TENM3: variants seen among roughly 807,000 people sequenced by gnomAD.
The protein encoded by TENM3 is teneurin transmembrane protein 3, also known as teneurin-3.
Under a neutral mutation model 255.1 loss-of-function variants are expected in TENM3, and 63 were observed. That is an observed-to-expected ratio of 0.25 (90% CI 0.20 to 0.30). The LOEUF is 0.30. TENM3 is among the 10% of genes least tolerant of loss of function. The pLI is 1.00. For synonymous variants in TENM3, 1,306 were observed against 1,322.3 expected (o/e 0.99, Z 0.27); for missense variants, 2,929 against 3,461.1 (o/e 0.85, Z 3.86).
At chr4:182,392,269 C>A (rs1768481619) in intron 3 of TENM3, among the ~76,000 whole-genome samples, 1 of 152,170 alleles carries the variant, frequency 6.6e-6, no homozygotes, top group African/African-American at 2.4e-5. Context: ...GGTATTAACA[C>A]GTCTGGTATC....
chr4:182,202,471 A>G (rs1322078806), intron 1 of TENM3, among the ~76,000 whole-genome samples: 1 of 151,840 alleles, frequency 6.6e-6, no homozygotes, highest in Admixed American at 6.6e-5. Context: ...ACACCCAGCT[A>G]CTTTTATATT....
chr4:181,661,059 T>A, the TENM3 span, among the ~76,000 whole-genome samples: 1 of 152,272 alleles, frequency 6.6e-6, no homozygotes, highest in East Asian at 1.9e-4. Flanking sequence ...AACGTAAGTA[T>A]GTAAATGGAA....
intron 1 of TENM3, among the ~76,000 whole-genome samples, chr4:182,282,647 C>T (rs575568439): frequency 6.6e-6 from 1 of 152,184 alleles, no homozygotes; most frequent in Admixed American, 6.5e-5. Flanking sequence ...AATCCCAGCA[C>T]TTTGGGAGGC....
chr4:182,284,641 A>G (rs888018178), intron 1 of TENM3, among the ~76,000 whole-genome samples: 7 of 152,302 alleles, frequency 4.6e-5, no homozygotes, highest in South Asian at 4.1e-4. Context: ...GAAGCGTGTC[A>G]GACACTAGGT....
At chr4:181,923,779 A>T in the TENM3 span, among the ~76,000 whole-genome samples, 2 of 152,178 alleles carry the variant, frequency 1.3e-5, no homozygotes, top group Non-Finnish European at 2.9e-5. Context: ...GTAGATCAAA[A>T]GATACCGCTT....
rs147951345 is a variant in TENM3, at chr4:182,698,555, C to T, written c.2221+10204C>T. On this transcript the variant is annotated intron_variant, in intron 12 of 27. Transcript: ENST00000511685. ...TAACCGTCAGGAAAAGTCACAGTCC[C>T]GAGGGCCATGTGGATACACGTTCTC... Among the ~76,000 whole-genome samples, 52 of 152,296 alleles carry T rather than the reference C, an allele frequency of 3.4e-4. No individual in the cohort carries two copies. The East Asian group carries it at 8.7e-3, about 25-fold the overall frequency.
intron 3 of TENM3, among the ~76,000 whole-genome samples, chr4:182,482,650 A>G (rs571276078): frequency 6.6e-6 from 1 of 152,350 alleles, no homozygotes; most frequent in South Asian, 2.1e-4. Context: ...GAAAATGTCT[A>G]CACATAGGCA....
chr4:182,038,676 A>T, the TENM3 span, among the ~76,000 whole-genome samples: 2 of 152,344 alleles, frequency 1.3e-5, no homozygotes, highest in East Asian at 3.9e-4. Context: ...TTCAAGACCA[A>T]TGCAGAGCTA....
At chr4:182,122,466 T>A in the TENM3 span, among the ~76,000 whole-genome samples, 21 of 152,332 alleles carry the variant, frequency 1.4e-4, no homozygotes, top group South Asian at 3.9e-3. Flanking sequence ...GGATGTGGTA[T>A]TAGCAGGTGT....
the TENM3 span, among the ~76,000 whole-genome samples, chr4:181,669,856 A>C: frequency 7.4e-4 from 112 of 152,252 alleles, no homozygotes; most frequent in Non-Finnish European, 5.9e-5. Flanking sequence ...TCTAGGGAGA[A>C]CTTCGGTGTG....
chr4:182,586,045 C>G (rs1259846162), intron 3 of TENM3, among the ~76,000 whole-genome samples: 1 of 152,184 alleles, frequency 6.6e-6, no homozygotes, highest in Non-Finnish European at 1.5e-5. Context: ...CTTGAGACCA[C>G]AAATGTGGGA....
At chr4:182,242,306 GTGTT>G (rs1229787661), upstream of TENM3, among the ~76,000 whole-genome samples, 16 of 152,050 alleles carry the variant, frequency 1.1e-4, no homozygotes, top group African/African-American at 3.4e-4. Context: ...AGAACATGCG[GTGTT>G]TGTTTTTTTT....
At chr4:181,485,194 G>A in the TENM3 span, among the ~76,000 whole-genome samples, 17 of 152,124 alleles carry the variant, frequency 1.1e-4, no homozygotes, top group African/African-American at 2.4e-4. Flanking sequence ...CAAAATAAAC[G>A]TAAATCAAAA....
chr4:182,755,202 G>A lies in TENM3; in HGVS notation c.4835G>A (p.Gly1612Asp), dbSNP rs1051141064. The part of the protein sequence containing the change: ...GLELVLFTYH[G>D]NSGLLATKSD... The stretch of plus-strand genomic sequence containing the variant: ...GAATTAGTTTTGTTTACTTACCATG[G>A]CAATAGTGGCCTTTTAGCCACTAAA... Residue 1612 changes from glycine to aspartate, a missense_variant, in exon 22 of 28, where the codon GGC becomes GAC. This residue lies in a region of TENM3 where 1,608 missense variants were observed against 1,884.4 expected (regional missense o/e 0.85). Transcript: ENST00000511685. 2 of 1,611,836 alleles carry A rather than the reference G, an allele frequency of 1.2e-6. No homozygotes were observed. Among genetic ancestry groups the A allele is most frequent in the Non-Finnish European group, 1.7e-6 (2 of 1,179,830 alleles).
intron 3 of TENM3, among the ~76,000 whole-genome samples, chr4:182,357,131 G>A (rs1270869965): frequency 6.6e-6 from 1 of 152,000 alleles, no homozygotes; most frequent in South Asian, 2.1e-4. Context: ...TGGACATTTG[G>A]GTTGGTTCCA....
intron 3 of TENM3, among the ~76,000 whole-genome samples, chr4:182,588,934 C>T (rs550148905): frequency 6.6e-6 from 1 of 152,136 alleles, no homozygotes; most frequent in Non-Finnish European, 1.5e-5. Flanking sequence ...GAAGCCAGAA[C>T]AATATCTTTG....
the TENM3 span, among the ~76,000 whole-genome samples, chr4:181,777,995 C>T: frequency 5.8e-4 from 89 of 152,218 alleles, no homozygotes; most frequent in African/African-American, 2.1e-3. Context: ...CTACCCGTTA[C>T]TTATGCTGTA....
At chr4:182,344,255 T>A (rs1764662448) in intron 2 of TENM3, among the ~76,000 whole-genome samples, 1 of 152,124 alleles carries the variant, frequency 6.6e-6, no homozygotes, top group Non-Finnish European at 1.5e-5. Flanking sequence ...TAGTTTTCTC[T>A]CCTAGGGGAA....
chr4:181,820,486 A>AACACACACACACAC, the TENM3 span, among the ~76,000 whole-genome samples: 25 of 148,082 alleles, frequency 1.7e-4, no homozygotes, highest in African/African-American at 5.5e-4. Flanking sequence ...ATTTTCTTTA[A>AACACACACACACAC]ACACACACAC....
Sources: allele counts gnomAD v4.1 joint callset (sites outside exome capture counted in the v4.1 genomes callset), GRCh38; gene constraint gnomAD v4.1.1; regional missense constraint gnomAD v4.1.1; transcripts MANE v1.5; gene names NCBI Gene and HGNC (gene_info 2026-07-23, HGNC 2026-07-21).